ULK4: variants seen among roughly 807,000 people sequenced by gnomAD.
ULK4 encodes the protein unc-51 like kinase 4, also known as inactive serine/threonine-protein kinase ULK4.
A neutral mutation model predicts 160.6 loss-of-function variants in ULK4; 133 were observed. The ratio of observed to expected loss-of-function variants is 0.83; its 90% CI spans 0.72 to 0.96. The LOEUF (loss-of-function observed/expected upper bound fraction) is 0.96. Ranked by LOEUF, ULK4 falls within the 40% of genes least tolerant of loss-of-function variation. ULK4 has a pLI of 0.00. For missense variants in ULK4, 1,580 were observed against 1,499.5 expected, an observed-to-expected ratio of 1.05 and a Z score of -0.89; for synonymous variants, 534 against 539.8, an observed-to-expected ratio of 0.99 and a Z score of 0.15.
chr3:41,906,033 C>T lies in ULK4; in HGVS notation c.1182+1812G>A, dbSNP rs1159136803. ...GAGATCGAGACCATCCTGGCTAACA[C>T]GGTGAAACCCCGTCTGCACTAAAAA... On this transcript the variant is annotated intron_variant, in intron 12 of 36. Coordinates refer to ENST00000301831, the MANE Select transcript of ULK4 (RefSeq NM_017886.4). 3.3e-5 allele frequency among the ~76,000 whole-genome samples: 5 copies of T among 151,758 alleles called. No homozygotes were observed. The South Asian group carries it at 6.3e-4, about 19-fold the overall frequency.
At chr3:41,584,460 T>C (rs1421171342) in intron 31 of ULK4, among the ~76,000 whole-genome samples, 1 of 152,014 alleles carries the variant, frequency 6.6e-6, no homozygotes, top group East Asian at 1.9e-4. Flanking sequence ...CTCAGCTAAT[T>C]AATTAATTAG....
At chr3:41,302,989 T>C (rs1441950438) in intron 35 of ULK4, among the ~76,000 whole-genome samples, 6 of 152,146 alleles carry the variant, frequency 3.9e-5, no homozygotes, top group African/African-American at 9.7e-5. Context: ...AAACAGACTA[T>C]AGACAAAGAC....
intron 2 of ULK4, 128 bp from the exon 3 acceptor site, chr3:41,938,325 A>G (rs2148827673): frequency 1.5e-6 from 1 of 670,922 alleles, no homozygotes; most frequent in Non-Finnish European, 2.4e-6. Flanking sequence ...GGAATTCTAT[A>G]CAGACATTAG....
intron 32 of ULK4, among the ~76,000 whole-genome samples, chr3:41,473,359 C>T (rs2084043800): frequency 6.6e-6 from 1 of 152,040 alleles, no homozygotes; most frequent in African/African-American, 2.4e-5. Context: ...CCATATAAAA[C>T]TGCTAGAACT....
chr3:41,860,958 T>C (rs2042486604), intron 17 of ULK4, among the ~76,000 whole-genome samples: 1 of 152,184 alleles, frequency 6.6e-6, no homozygotes, highest in South Asian at 2.1e-4. Flanking sequence ...TACTATCTTA[T>C]AACCCATTAT....
At chr3:41,843,025 A>G (rs1361419918) in intron 17 of ULK4, among the ~76,000 whole-genome samples, 2 of 152,240 alleles carry the variant, frequency 1.3e-5, no homozygotes. Flanking sequence ...ACAAAAAATT[A>G]ACTCAAAATG....
intron 17 of ULK4, among the ~76,000 whole-genome samples, chr3:41,849,257 T>C (rs2042146311): frequency 6.6e-6 from 1 of 152,204 alleles, no homozygotes; most frequent in African/African-American, 2.4e-5. Flanking sequence ...TGTATTACTT[T>C]AAAAGAATTG....
chr3:41,727,360 T>G (rs1375955771), intron 22 of ULK4, among the ~76,000 whole-genome samples: 1 of 152,228 alleles, frequency 6.6e-6, no homozygotes, highest in Non-Finnish European at 1.5e-5. Context: ...GAGTGTATAT[T>G]CAAGTCCAAT....
At chr3:41,438,978 T>TTA (rs2083097860) in intron 34 of ULK4, among the ~76,000 whole-genome samples, 1 of 134,566 alleles carries the variant, frequency 7.4e-6, no homozygotes, top group African/African-American at 2.7e-5. Context: ...CAGGAAAATT[T>TTA]AAAAAAAAAA....
intron 34 of ULK4, among the ~76,000 whole-genome samples, chr3:41,428,567 C>G (rs1464862958): frequency 6.6e-6 from 1 of 152,132 alleles, no homozygotes; most frequent in East Asian, 1.9e-4. Context: ...GGCACAAAAA[C>G]ATATACATTG....
intron 18 of ULK4, among the ~76,000 whole-genome samples, chr3:41,835,229 A>G (rs1352562299): frequency 6.6e-6 from 1 of 152,158 alleles, no homozygotes; most frequent in East Asian, 1.9e-4. Context: ...AAAGAAATAC[A>G]ATGACATAAC....
At chr3:41,521,141 G>A (rs1236152655) in intron 32 of ULK4, among the ~76,000 whole-genome samples, 1 of 152,118 alleles carries the variant, frequency 6.6e-6, no homozygotes, top group Non-Finnish European at 1.5e-5. Flanking sequence ...CACTGACCAG[G>A]AGTGCCACAC....
intron 31 of ULK4, among the ~76,000 whole-genome samples, chr3:41,607,152 G>A (rs2125671690): frequency 1.3e-5 from 2 of 152,030 alleles, no homozygotes; most frequent in Admixed American, 1.3e-4. Context: ...GGGGTCTCAA[G>A]CCACCATAGT....
intron 35 of ULK4, among the ~76,000 whole-genome samples, chr3:41,387,801 C>A (rs2081854805): frequency 6.6e-6 from 1 of 152,192 alleles, no homozygotes. Flanking sequence ...GGTTCCAAGT[C>A]TCTGCTATTG....
intron 35 of ULK4, among the ~76,000 whole-genome samples, chr3:41,366,630 G>A (rs181881090): frequency 8.6e-5 from 13 of 151,722 alleles, no homozygotes; most frequent in South Asian, 6.2e-4. Context: ...CTTATTGTGC[G>A]CAGATATACT....
chr3:41,806,195 T>C (rs2040637046), intron 19 of ULK4, among the ~76,000 whole-genome samples: 1 of 148,732 alleles, frequency 6.7e-6, no homozygotes, highest in Non-Finnish European at 1.5e-5. Context: ...ATTCAACTTC[T>C]TCCTGGTTTA....
chr3:41,451,406 A>C (rs2083422522), intron 34 of ULK4, among the ~76,000 whole-genome samples: 1 of 151,782 alleles, frequency 6.6e-6, no homozygotes, highest in Non-Finnish European at 1.5e-5. Context: ...AGGAGGGACT[A>C]TTCCAACAAA....
chr3:41,630,982 T>C (rs1189831812), intron 30 of ULK4, among the ~76,000 whole-genome samples: 1 of 152,180 alleles, frequency 6.6e-6, no homozygotes, highest in Non-Finnish European at 1.5e-5. Flanking sequence ...AGGACAGTCA[T>C]TTTAAATTGA....
At chr3:41,501,982 A>G (rs542602872) in intron 32 of ULK4, among the ~76,000 whole-genome samples, 13 of 152,206 alleles carry the variant, frequency 8.5e-5, no homozygotes, top group Non-Finnish European at 2.9e-5. Context: ...TTCACTTGGC[A>G]TAGTGTCCTC....
Sources: allele counts gnomAD v4.1 joint callset (sites outside exome capture counted in the v4.1 genomes callset), GRCh38; gene constraint gnomAD v4.1.1; transcripts MANE v1.5; gene names NCBI Gene and HGNC (gene_info 2026-07-23, HGNC 2026-07-21).